The following AGAP1 variants were observed in gnomAD, a reference collection of about 807,000 sequenced individuals.
AGAP1 encodes the protein ArfGAP with GTPase domain, ankyrin repeat and PH domain 1.
In AGAP1, 29 loss-of-function variants were observed where a neutral mutation model predicts 105.3. That is an observed-to-expected ratio of 0.28 (90% CI 0.21 to 0.38). AGAP1 has a LOEUF of 0.38. AGAP1 is among the 10% of genes least tolerant of loss of function. The pLI, the probability that AGAP1 is intolerant of heterozygous loss-of-function variation, is 1.00. For missense variants in AGAP1, 998 were observed against 1,165.1 expected (o/e 0.86, Z 2.09); for synonymous variants, 509 against 485.9 (o/e 1.05, Z -0.63).
chr2:235,942,515 T>A (rs1453957532), intron 12 of AGAP1, among the ~76,000 whole-genome samples: 1 of 151,904 alleles, frequency 6.6e-6, no homozygotes, highest in Non-Finnish European at 1.5e-5. Flanking sequence ...CCGTCTCTGC[T>A]AAAAATACAA....
chr2:236,048,509 C>T (rs374972057), intron 15 of AGAP1, among the ~76,000 whole-genome samples: 5 of 152,210 alleles, frequency 3.3e-5, no homozygotes, highest in East Asian at 1.9e-4. Flanking sequence ...TCACTGAAAA[C>T]GATATTTCTT....
rs1306587991 is a variant in AGAP1 at position 235,670,794 on chromosome 2, G to A, written c.164-38385G>A. On this transcript the variant is annotated intron_variant, in intron 1 of 17. Coordinates refer to ENST00000304032, the MANE Select transcript of AGAP1 (RefSeq NM_001037131.3). Reference sequence around the variant, plus strand: ...TCGGACCTGGAGCGTTGGGAACGCAGTAAGAGCAAGAACCGCACGCTGGAC... The same window carrying A: ...TCGGACCTGGAGCGTTGGGAACGCAATAAGAGCAAGAACCGCACGCTGGAC... 5 of 1,320,678 alleles carry A rather than the reference G, an allele frequency of 3.8e-6. No individual in the cohort carries two copies. In the East Asian group the frequency reaches 1.6e-4, roughly 42 times the overall value. The allele number at this position is 1,320,678 out of a possible 1,614,324, so 81.8% of individuals were successfully genotyped here.
rs1943997902 is a variant in AGAP1 at position 235,557,051 on chromosome 2, G to A, written c.163+62202G>A. ...CCCGAAGGCAGACTTGGCCTTCCCA[G>A]CTGGCGCGGGACTGGGGACTTAGGG... On this transcript the variant is annotated intron_variant, in intron 1 of 17. Transcript: ENST00000304032. The surrounding 1 kb of genome is among the most constrained non-coding windows in gnomAD (Gnocchi z 4.7). Among the ~76,000 whole-genome samples, 1 of 152,214 alleles carries A rather than the reference G, an allele frequency of 6.6e-6. No homozygotes were observed. The highest frequency in any genetic ancestry group is 1.5e-5 in the Non-Finnish European group (1 of 68,044).
rs1466214522 is a variant in AGAP1 at position 235,622,818 on chromosome 2, C to T, written c.164-86361C>T. Among the ~76,000 whole-genome samples the T allele has an allele frequency of 6.6e-6, 1 of 152,012 alleles. No homozygotes were observed. Among genetic ancestry groups the T allele is most frequent in the Admixed American group, 6.6e-5 (1 of 15,248 alleles). ...GAGACTTCAGGGCAGGCACACATGT[C>T]GCTTCCTGCACCCACACTGGACAGT... On this transcript the variant is annotated intron_variant, in intron 1 of 17. Transcript: ENST00000304032. The surrounding 1 kb of genome is among the most constrained non-coding windows in gnomAD (Gnocchi z 5.0).
chr2:235,744,958 T>A lies in AGAP1; in HGVS notation c.538+119T>A. The A allele has an allele frequency of 8.1e-7, 1 of 1,237,382 alleles. No homozygotes were observed. The allele number at this position is 1,237,382 out of a possible 1,614,324, so 76.7% of individuals were successfully genotyped here. On this transcript the variant is annotated intron_variant, in intron 5 of 17. Transcript: ENST00000304032. The surrounding 1 kb of genome is among the most constrained non-coding windows in gnomAD (Gnocchi z 5.2). Reference sequence around the variant, plus strand: ...AAAATTGCCTACTGAACGCTCACTTTTTTGGGAAAAATTATGGAACTGAAA... The same window carrying A: ...AAAATTGCCTACTGAACGCTCACTTATTTGGGAAAAATTATGGAACTGAAA...
chr2:235,844,575 CA>C (rs751621451), intron 9 of AGAP1, among the ~76,000 whole-genome samples: 40 of 152,134 alleles, frequency 2.6e-4, no homozygotes, highest in Non-Finnish European at 5.6e-4. Flanking sequence ...GCATTAAACC[CA>C]CCCCCTGACC....
Position 235,976,451 on chromosome 2 carries a change from G to C in AGAP1, c.1645+7828G>C, listed in dbSNP as rs1007935906. Among the ~76,000 whole-genome samples, 4 of 152,202 alleles carry C rather than the reference G, an allele frequency of 2.6e-5. No homozygotes were observed. Among genetic ancestry groups the C allele is most frequent in the Non-Finnish European group, 5.9e-5 (4 of 68,040 alleles). On this transcript the variant is annotated intron_variant, in intron 13 of 17. Coordinates refer to ENST00000304032, the MANE Select transcript of AGAP1 (RefSeq NM_001037131.3). This position sits in a 1 kb window ranked among gnomAD's most constrained non-coding sequence, Gnocchi z 4.5. ...GGTCGGAAATAAACAAAGATGAGTC[G>C]ATCACAGCAGGGGCAGCCAGAACGG...
At chr2:235,886,763 C>G (rs1195412675) in intron 10 of AGAP1, among the ~76,000 whole-genome samples, 1 of 152,206 alleles carries the variant, frequency 6.6e-6, no homozygotes, top group African/African-American at 2.4e-5. Context: ...ATTTGAATCA[C>G]TAGAGCCTGA....
chr2:235,795,781 TAAC>T (rs1957216305), intron 6 of AGAP1, among the ~76,000 whole-genome samples: 1 of 152,220 alleles, frequency 6.6e-6, no homozygotes, highest in African/African-American at 2.4e-5. Flanking sequence ...TTTTAGCAGT[TAAC>T]AATGCTAAAT....
intron 1 of AGAP1, among the ~76,000 whole-genome samples, chr2:235,497,680 T>C (rs1369156547): frequency 1.3e-5 from 2 of 152,198 alleles, no homozygotes; most frequent in East Asian, 1.9e-4. Context: ...CACTGCAGGC[T>C]CCGCCCCGGG....
chr2:235,562,260 A>G (rs1406774363), intron 1 of AGAP1, among the ~76,000 whole-genome samples: 1 of 152,098 alleles, frequency 6.6e-6, no homozygotes, highest in Non-Finnish European at 1.5e-5. Flanking sequence ...GTCAAATCAT[A>G]ACATATTATG....
At chr2:235,652,394 T>C (rs80198342) in intron 1 of AGAP1, among the ~76,000 whole-genome samples, 6,984 of 151,926 alleles carry the variant, frequency 0.046, 531 homozygotes, top group African/African-American at 0.16. Flanking sequence ...TGCTTCCTAC[T>C]CCTTAGAGGC....
chr2:236,113,671 C>T lies in AGAP1; in HGVS notation c.2115-6521C>T, dbSNP rs766008004. On this transcript the variant is annotated intron_variant, in intron 16 of 17. Transcript: ENST00000304032. The surrounding 1 kb of genome is among the most constrained non-coding windows in gnomAD (Gnocchi z 4.3). The stretch of plus-strand genomic sequence containing the variant: ...GATGGACACAGGGAAGCCACCTTGG[C>T]CAAGTCACCACCCCTCAAGGTCAGG... Among the ~76,000 whole-genome samples the T allele has an allele frequency of 6.6e-6, 1 of 152,130 alleles. No individual in the cohort carries two copies. The highest frequency in any genetic ancestry group is 1.9e-4 in the East Asian group (1 of 5,180).
intron 13 of AGAP1, among the ~76,000 whole-genome samples, chr2:235,975,191 G>C (rs1444235787): frequency 6.6e-6 from 1 of 152,164 alleles, no homozygotes. Context: ...ACAAAATGGA[G>C]TTTTGTTTTT....
Position 235,777,672 on chromosome 2 carries a change from GCCT to G in AGAP1, c.674-20083_674-20081del, listed in dbSNP as rs1366482400. ...TCAGCTGTCACCTGAGCACGTTCAA[GCCT>G]CCTGCCCAGCACCTTCCTAGAGCAC... On this transcript the variant is annotated intron_variant, in intron 6 of 17. Transcript: ENST00000304032. The surrounding 1 kb of genome is among the most constrained non-coding windows in gnomAD (Gnocchi z 5.1). 6.6e-6 allele frequency among the ~76,000 whole-genome samples: 1 copy of G among 152,192 alleles called. No homozygotes were observed. The highest frequency in any genetic ancestry group is 1.5e-5 in the Non-Finnish European group (1 of 68,034).
intron 1 of AGAP1, among the ~76,000 whole-genome samples, chr2:235,515,801 T>C (rs1574737773): frequency 6.6e-6 from 1 of 152,212 alleles, no homozygotes; most frequent in East Asian, 1.9e-4. Context: ...TTCTTGCAAA[T>C]AGTAAGGAAA....
Position 235,816,017 on chromosome 2 carries a change from T to C in AGAP1, c.1050+8686T>C, listed in dbSNP as rs376815895. Among the ~76,000 whole-genome samples the C allele has an allele frequency of 4.5e-4, 69 of 152,288 alleles. 1 individual carries two copies. The highest frequency in any genetic ancestry group is 1.6e-3 in the African/African-American group (65 of 41,572). Reference sequence around the variant, plus strand: ...GCTGGGGATGTTCAGGAAGAGCCTGTGGATTGGGCAGGTGCTCACTGTCCG... The same window carrying C: ...GCTGGGGATGTTCAGGAAGAGCCTGCGGATTGGGCAGGTGCTCACTGTCCG... On this transcript the variant is annotated intron_variant, in intron 9 of 17. Coordinates refer to ENST00000304032, the MANE Select transcript of AGAP1 (RefSeq NM_001037131.3).
chr2:235,814,534 G>A (rs947992306), intron 9 of AGAP1, among the ~76,000 whole-genome samples: 2 of 152,158 alleles, frequency 1.3e-5, no homozygotes, highest in African/African-American at 2.4e-5. Flanking sequence ...ACATGCCCTG[G>A]GTCCTCTGCT....
Position 236,102,193 on chromosome 2 carries a change from G to A in AGAP1, c.2115-17999G>A, listed in dbSNP as rs565435650. ...AGCACTTTGGGAGGCCAAGGCGGGC[G>A]GATCACAAGGTCAGGAGATCGAGAC... On this transcript the variant is annotated intron_variant, in intron 16 of 17. Coordinates refer to ENST00000304032, the MANE Select transcript of AGAP1 (RefSeq NM_001037131.3). Among the ~76,000 whole-genome samples, 77 of 152,052 alleles carry A rather than the reference G, an allele frequency of 5.1e-4. 1 individual carries two copies. Among genetic ancestry groups the A allele is most frequent in the South Asian group, 6.2e-4 (3 of 4,818 alleles).
Sources: gnomAD v4.1 joint callset for allele counts (sites outside exome capture counted in the v4.1 genomes callset) on GRCh38, gnomAD v4.1.1 for gene constraint, Gnocchi (gnomAD v3.1) non-coding constraint, MANE v1.5 for transcripts, NCBI Gene and HGNC (gene_info 2026-07-23, HGNC 2026-07-21) for gene names.